NAA60: variants seen among roughly 807,000 people sequenced by gnomAD.
The protein encoded by NAA60 is N-alpha-acetyltransferase 60, NatF catalytic subunit.
Under a neutral mutation model 26.1 loss-of-function variants are expected in NAA60, and 8 were observed. The ratio of observed to expected loss-of-function variants is 0.31; its 90% CI spans 0.18 to 0.55. The LOEUF (loss-of-function observed/expected upper bound fraction) is 0.55. Among genes scored for constraint, NAA60 ranks in the 20% least tolerant of loss-of-function variants. The probability of loss-of-function intolerance (pLI) is 0.93; values close to 1 mark genes in which losing one functional copy is unlikely to be tolerated. For missense variants in NAA60, 290 were observed against 311.3 expected (o/e 0.93, Z 0.51); for synonymous variants, 131 against 122.5 (o/e 1.07, Z -0.46).
chr16:3,478,064 A>AAATAATAATAATAAT (rs60478448), intron 3 of NAA60, among the ~76,000 whole-genome samples: 21,880 of 136,732 alleles, frequency 0.16, 1,966 homozygotes, highest in Non-Finnish European at 0.21. Flanking sequence ...CTCTGTCTCA[A>AAATAATAATAATAAT]AATAATAATA....
At chr16:3,478,943 T>C (rs988819799) in intron 3 of NAA60, among the ~76,000 whole-genome samples, 7 of 152,052 alleles carry the variant, frequency 4.6e-5, no homozygotes, top group African/African-American at 1.7e-4. Flanking sequence ...CGGATAAAAT[T>C]ATTTTTCCCG....
intron 3 of NAA60, among the ~76,000 whole-genome samples, chr16:3,478,253 G>A (rs976690154): frequency 3.9e-5 from 6 of 152,028 alleles, no homozygotes; most frequent in Non-Finnish European, 8.8e-5. Flanking sequence ...AAATAAAAAC[G>A]TGTTCTTCAG....
At chr16:3,468,871 G>T (rs192419138) in intron 2 of NAA60, among the ~76,000 whole-genome samples, 2 of 152,184 alleles carry the variant, frequency 1.3e-5, no homozygotes, top group Admixed American at 1.3e-4. Context: ...GTTAGGGATC[G>T]AGACCATCCT....
rs2036705247 is a variant in NAA60, at chr16:3,479,703, G to A, written c.240+103G>A. On this transcript the variant is annotated intron_variant, in intron 4 of 7. Coordinates refer to ENST00000407558, the MANE Select transcript of NAA60 (RefSeq NM_001083601.3). ...TGCCTGCTCCACAGCCGTCGTCCAA[G>A]GAGCCTGTGACCCAAGGAATCCAAG... is the stretch of plus-strand genomic sequence containing the variant. 7.9e-6 allele frequency: 11 copies of A among 1,396,296 alleles called. No homozygotes were observed. The South Asian group carries it at 1.5e-4, about 19-fold the overall frequency. 86.5% of individuals were successfully genotyped at this position (1,396,296 alleles called of 1,614,324 possible). A position where few individuals can be genotyped will look rare whatever the true frequency, so the allele number is the denominator to read the frequency against.
chr16:3,463,791 A>G (rs2035568523), intron 2 of NAA60, among the ~76,000 whole-genome samples: 1 of 152,116 alleles, frequency 6.6e-6, no homozygotes, highest in African/African-American at 2.4e-5. Flanking sequence ...GGATCCCTTG[A>G]ACCCTAAAGT....
chr16:3,465,026 G>C (rs1432673247), intron 2 of NAA60, among the ~76,000 whole-genome samples: 1 of 152,162 alleles, frequency 6.6e-6, no homozygotes, highest in Admixed American at 6.5e-5. Context: ...TCAGTACTTT[G>C]GGAGTCTGAG....
At chr16:3,474,746 G>C (rs1298586688) in intron 2 of NAA60, among the ~76,000 whole-genome samples, 1 of 152,218 alleles carries the variant, frequency 6.6e-6, no homozygotes, top group Non-Finnish European at 1.5e-5. Context: ...CGGATTTCAC[G>C]GCCTTTCCTG....
At chr16:3,482,202 T>C (rs2036880384) in intron 4 of NAA60, among the ~76,000 whole-genome samples, 1 of 152,182 alleles carries the variant, frequency 6.6e-6, no homozygotes, top group African/African-American at 2.4e-5. Flanking sequence ...TGCCATAACT[T>C]TACCTTGTGC....
chr16:3,461,962 C>A (rs1405560529), intron 2 of NAA60, among the ~76,000 whole-genome samples: 1 of 151,988 alleles, frequency 6.6e-6, no homozygotes. Context: ...TGGTGCGCAT[C>A]TGTCATCCCA....
intron 2 of NAA60, among the ~76,000 whole-genome samples, chr16:3,462,163 C>T (rs369572403): frequency 1.4e-5 from 2 of 146,370 alleles, no homozygotes; most frequent in African/African-American, 5.1e-5. Context: ...AATGGCATTT[C>T]TCTTTTTTTG....
At chr16:3,449,414 A>T (rs536381722) in intron 2 of NAA60, among the ~76,000 whole-genome samples, 5 of 152,132 alleles carry the variant, frequency 3.3e-5, no homozygotes, top group Non-Finnish European at 7.4e-5. Flanking sequence ...GCTACTTGGG[A>T]GGCTGAGGCA....
rs1315442665 is a variant in NAA60, at chr16:3,470,613, A to T, written c.-6-5609A>T. 2.0e-5 allele frequency among the ~76,000 whole-genome samples: 3 copies of T among 151,960 alleles called. No homozygotes were observed. The East Asian group carries it at 5.8e-4, about 29-fold the overall frequency. The stretch of plus-strand genomic sequence containing the variant: ...CTGCAGGCACGGATACACTGGGGAG[A>T]CGGGATGTAGAAAGCTGTGGGAAGA... On this transcript the variant is annotated intron_variant, in intron 2 of 7. Transcript: ENST00000407558.
At chr16:3,460,324 C>T (rs547152829) in intron 2 of NAA60, among the ~76,000 whole-genome samples, 1 of 151,310 alleles carries the variant, frequency 6.6e-6, no homozygotes, top group Non-Finnish European at 1.5e-5. Flanking sequence ...AAGGAATCCA[C>T]GAAGCCCTCA....
chr16:3,482,365 C>T lies in NAA60; in HGVS notation c.241-137C>T, dbSNP rs2036891238. On this transcript the variant is annotated intron_variant, in intron 4 of 7. Coordinates refer to ENST00000407558, the MANE Select transcript of NAA60 (RefSeq NM_001083601.3). ...GGGAGTGGGGGCCCCTCTCCAGTACCTCTTGATTCTGCCCCTCCCAGTCGG... is the reference window on the plus strand; with the variant it reads ...GGGAGTGGGGGCCCCTCTCCAGTACTTCTTGATTCTGCCCCTCCCAGTCGG... 5 of 706,848 alleles carry T rather than the reference C, an allele frequency of 7.1e-6. No individual in the cohort carries two copies. In the Admixed American group the frequency reaches 1.1e-4, roughly 15 times the overall value. The allele number at this position is 706,848 out of a possible 1,614,324, so 43.8% of individuals were successfully genotyped here. A position where few individuals can be genotyped will look rare whatever the true frequency, so the allele number is the denominator to read the frequency against.
intron 2 of NAA60, among the ~76,000 whole-genome samples, chr16:3,461,554 A>G (rs1422279704): frequency 6.6e-6 from 1 of 152,228 alleles, no homozygotes; most frequent in Non-Finnish European, 1.5e-5. Flanking sequence ...AGATGTTGCA[A>G]TGTCTCTTCA....
chr16:3,462,351 T>G (rs2035466224), intron 2 of NAA60, among the ~76,000 whole-genome samples: 1 of 152,192 alleles, frequency 6.6e-6, no homozygotes, highest in South Asian at 2.1e-4. Context: ...CAACAATATT[T>G]CCCTCATTCC....
At chr16:3,455,379 GT>G (rs1441053200) in intron 2 of NAA60, among the ~76,000 whole-genome samples, 2 of 137,940 alleles carry the variant, frequency 1.4e-5, no homozygotes, top group Non-Finnish European at 3.1e-5. Context: ...CCAAAAAAGA[GT>G]TTTTAGTTTT....
chr16:3,457,746 C>T (rs1396475796), intron 2 of NAA60, among the ~76,000 whole-genome samples: 2 of 152,194 alleles, frequency 1.3e-5, no homozygotes, highest in African/African-American at 4.8e-5. Flanking sequence ...GGGACCTCGG[C>T]CCGGAAACCG....
At chr16:3,466,076 G>A (rs768331987) in intron 2 of NAA60, among the ~76,000 whole-genome samples, 3 of 152,210 alleles carry the variant, frequency 2.0e-5, no homozygotes, top group Non-Finnish European at 4.4e-5. Context: ...AGATCCGTAC[G>A]TTTTGACAAC....
Sources: gnomAD v4.1 joint callset for allele counts (sites outside exome capture counted in the v4.1 genomes callset) on GRCh38, gnomAD v4.1.1 for gene constraint, MANE v1.5 for transcripts, NCBI Gene and HGNC (gene_info 2026-07-23, HGNC 2026-07-21) for gene names.